Variants in NOPCHAP1 observed in about 807,000 individuals in gnomAD.
NOPCHAP1 encodes the protein DNA damage-sensitive RNA 1.
In NOPCHAP1, 13 loss-of-function variants were observed where a neutral mutation model predicts 14.0. That is an observed-to-expected ratio of 0.93 (90% confidence interval 0.60 to 1.47). The LOEUF (loss-of-function observed/expected upper bound fraction) is 1.47. Ranked by LOEUF, NOPCHAP1 falls within the 40% of genes most tolerant of loss-of-function variation. NOPCHAP1 has a pLI of 0.00. For synonymous variants in NOPCHAP1, 78 were observed against 78.4 expected (o/e 1.00, Z 0.03); for missense variants, 230 against 226.9 (o/e 1.01, Z -0.09).
At position 104,986,573 on chromosome 12, in the gene NOPCHAP1, C is replaced by T. The variant is rs1264765712; in HGVS notation, c.115+106C>T. On this transcript the variant is annotated intron_variant, in intron 1 of 3. Coordinates refer to ENST00000552951, the MANE Select transcript of NOPCHAP1 (RefSeq NM_152318.3). ...TGGCTCCCTGCCCGGGCTCCGTACC[C>T]TCGAGGGGAGCCCCGGGGACTGCTG... 6.9e-5 allele frequency: 65 copies of T among 938,970 alleles called. No individual in the cohort carries two copies. The East Asian group carries it at 1.8e-3, about 26-fold the overall frequency. The allele number at this position is 938,970 out of a possible 1,614,324, so 58.2% of individuals were successfully genotyped here. A position where few individuals can be genotyped will look rare whatever the true frequency, so the allele number is the denominator to read the frequency against.
At chr12:104,993,699 C>T (rs1327224513) in intron 3 of NOPCHAP1, among the ~76,000 whole-genome samples, 1 of 152,108 alleles carries the variant, frequency 6.6e-6, no homozygotes, top group Non-Finnish European at 1.5e-5. Context: ...TAATTTTTTT[C>T]CCCCAACCAC....
At position 105,010,593 on chromosome 12, in the gene NOPCHAP1, G is replaced by A. The variant is rs1420554218; in HGVS notation, c.*15897G>A. On this transcript the variant is annotated 3_prime_UTR_variant, in exon 4 of 4. Coordinates refer to ENST00000552951, the MANE Select transcript of NOPCHAP1 (RefSeq NM_152318.3). ...AGAGTATCGATTTTAGATCTTTCCCGCTTTCTCCTGTGGGCATTTAGTGCT... is the reference window on the plus strand; with the variant it reads ...AGAGTATCGATTTTAGATCTTTCCCACTTTCTCCTGTGGGCATTTAGTGCT... 2 of 152,030 alleles carry A rather than the reference G, an allele frequency of 1.3e-5. No homozygotes were observed. The highest frequency in any genetic ancestry group is 1.9e-4 in the East Asian group (1 of 5,188). 9.4% of individuals were successfully genotyped at this position (152,030 alleles called of 1,614,324 possible).
chr12:104,991,883 T>C, intron 3 of NOPCHAP1, 35 bp downstream of exon 3: 1 of 1,568,350 alleles, frequency 6.4e-7, no homozygotes, highest in Non-Finnish European at 8.6e-7. Context: ...GTGAAATTAC[T>C]GGTCTGCCTG....
In NOPCHAP1 at chr12:105,008,798, T is replaced by C. The variant is rs1209994990; in HGVS notation, c.*14102T>C. 1.3e-5 allele frequency: 2 copies of C among 152,182 alleles called. No homozygotes were observed. Among genetic ancestry groups the C allele is most frequent in the Non-Finnish European group, 2.9e-5 (2 of 68,036 alleles). The allele number at this position is 152,182 out of a possible 1,614,324, so 9.4% of individuals were successfully genotyped here. A position where few individuals can be genotyped will look rare whatever the true frequency, so the allele number is the denominator to read the frequency against. Reference sequence around the variant, plus strand: ...TTCAAAGATCAGATGGTTGTAGATGTGTGGTATTATTTCTGAGGCCTCTGT... The same window carrying C: ...TTCAAAGATCAGATGGTTGTAGATGCGTGGTATTATTTCTGAGGCCTCTGT... On this transcript the variant is annotated 3_prime_UTR_variant, in exon 4 of 4. Transcript: ENST00000552951.
At chr12:104,990,060 C>A (rs1162314133) in intron 2 of NOPCHAP1, among the ~76,000 whole-genome samples, 1 of 152,142 alleles carries the variant, frequency 6.6e-6, no homozygotes, top group Non-Finnish European at 1.5e-5. Flanking sequence ...TCGTCTGCAT[C>A]ATTTCTGAAT....
At position 104,988,110 on chromosome 12, in the gene NOPCHAP1, G is replaced by T. The variant is rs1014762087; in HGVS notation, c.116-57G>T. ...GGTCATGTGAGAGGCTTACTGATGG[G>T]CCTTTGTTTTTTTATGCTGTAGTAA... On this transcript the variant is annotated intron_variant, in intron 1 of 3. Coordinates refer to ENST00000552951, the MANE Select transcript of NOPCHAP1 (RefSeq NM_152318.3). 4 of 1,351,388 alleles carry T rather than the reference G, an allele frequency of 3.0e-6. No homozygotes were observed. The African/African-American group carries it at 4.3e-5, about 15-fold the overall frequency. The allele number at this position is 1,351,388 out of a possible 1,614,324, so 83.7% of individuals were successfully genotyped here. A position where few individuals can be genotyped will look rare whatever the true frequency, so the allele number is the denominator to read the frequency against.
At chr12:104,988,287 A>G in intron 2 of NOPCHAP1, 34 bp downstream of exon 2, 1 of 1,511,714 alleles carries the variant, frequency 6.6e-7, no homozygotes, top group South Asian at 1.2e-5. Flanking sequence ...ACCCTCTCTA[A>G]TGCTGAGTTT....
At chr12:104,992,000 A>AT in intron 3 of NOPCHAP1, 152 bp downstream of exon 3, 1 of 909,460 alleles carries the variant, frequency 1.1e-6, no homozygotes, top group East Asian at 3.0e-5. Context: ...TTTATGATTT[A>AT]GTCATTTTAG....
chr12:104,987,526 C>T (rs1160802227), intron 1 of NOPCHAP1, among the ~76,000 whole-genome samples: 1 of 152,078 alleles, frequency 6.6e-6, no homozygotes, highest in African/African-American at 2.4e-5. Context: ...TGTTTTTTAA[C>T]CAGAGAGTTA....
rs1005924428 is a variant in NOPCHAP1, at chr12:104,996,994, G to C, written c.*2298G>C. Reference sequence around the variant, plus strand: ...TCTGAGTGTCACTGCATGTGAGGTGGGTCTCTTGAAGATAGCATACCATTG... The same window carrying C: ...TCTGAGTGTCACTGCATGTGAGGTGCGTCTCTTGAAGATAGCATACCATTG... On this transcript the variant is annotated 3_prime_UTR_variant, in exon 4 of 4. Transcript: ENST00000552951. 1 of 152,052 alleles carries C rather than the reference G, an allele frequency of 6.6e-6. No homozygotes were observed. The highest frequency in any genetic ancestry group is 2.4e-5 in the African/African-American group (1 of 41,384). The allele number at this position is 152,052 out of a possible 1,614,324, so 9.4% of individuals were successfully genotyped here.
chr12:105,001,005 G>A lies in NOPCHAP1; in HGVS notation c.*6309G>A, dbSNP rs1010051931. ...AAGGCCAATGGTAATACCTTTGGAC[G>A]AGGCAATTCAATCAATTCAGTTAAC... On this transcript the variant is annotated 3_prime_UTR_variant, in exon 4 of 4. Transcript: ENST00000552951. The A allele has an allele frequency of 1.3e-5, 2 of 151,154 alleles. No individual in the cohort carries two copies. Among genetic ancestry groups the A allele is most frequent in the African/African-American group, 2.4e-5 (1 of 41,154 alleles). 9.4% of individuals were successfully genotyped at this position (151,154 alleles called of 1,614,324 possible).
At position 105,002,459 on chromosome 12, in the gene NOPCHAP1, G is replaced by A. The variant is rs975722094; in HGVS notation, c.*7763G>A. On this transcript the variant is annotated 3_prime_UTR_variant, in exon 4 of 4. Transcript: ENST00000552951. ...CCCTTGGTGTATTGGAACCTGGAAT[G>A]TTTTACAAATAGTCTTTCTGAATGG... 3.9e-5 allele frequency: 6 copies of A among 152,208 alleles called. No individual in the cohort carries two copies. Among genetic ancestry groups the A allele is most frequent in the Non-Finnish European group, 8.8e-5 (6 of 68,036 alleles). 9.4% of individuals were successfully genotyped at this position (152,208 alleles called of 1,614,324 possible).
rs1368914959 is a variant in NOPCHAP1 at position 105,005,725 on chromosome 12, G to C, written c.*11029G>C. 1 of 152,230 alleles carries C rather than the reference G, an allele frequency of 6.6e-6. No individual in the cohort carries two copies. Among genetic ancestry groups the C allele is most frequent in the Non-Finnish European group, 1.5e-5 (1 of 68,062 alleles). 9.4% of individuals were successfully genotyped at this position (152,230 alleles called of 1,614,324 possible). The stretch of plus-strand genomic sequence containing the variant: ...CAGTCTAGGAAGTCAGTGCGAATTG[G>C]CCTTAAGTTCCCTGCCTCCAGGCCC... On this transcript the variant is annotated 3_prime_UTR_variant, in exon 4 of 4. Transcript: ENST00000552951.
chr12:105,002,925 C>A lies in NOPCHAP1; in HGVS notation c.*8229C>A, dbSNP rs1873638025. On this transcript the variant is annotated 3_prime_UTR_variant, in exon 4 of 4. Coordinates refer to ENST00000552951, the MANE Select transcript of NOPCHAP1 (RefSeq NM_152318.3). ...TTTTGTAAGGCATTTGTCTAACTTG[C>A]CTTTTCTCATTATCTTTAGAATGAA... is the stretch of plus-strand genomic sequence containing the variant. 6.6e-6 allele frequency: 1 copy of A among 152,122 alleles called. No homozygotes were observed. Among genetic ancestry groups the A allele is most frequent in the Admixed American group, 6.5e-5 (1 of 15,274 alleles). 9.4% of individuals were successfully genotyped at this position (152,122 alleles called of 1,614,324 possible).
In NOPCHAP1 at chr12:105,013,490, GTTCTGT is replaced by G. The variant is rs1873877731; in HGVS notation, c.*18795_*18800del. On this transcript the variant is annotated 3_prime_UTR_variant, in exon 4 of 4. Transcript: ENST00000552951. ...AGCCCCCTTTCCAGGGGAGTGAACG[GTTCTGT>G]CTCGCTGGTGTTCCAGGCACCACTG... 1 of 153,308 alleles carries G rather than the reference GTTCTGT, an allele frequency of 6.5e-6. No homozygotes were observed. The highest frequency in any genetic ancestry group is 1.4e-5 in the Non-Finnish European group (1 of 69,022). The allele number at this position is 153,308 out of a possible 1,614,324, so 9.5% of individuals were successfully genotyped here. A position where few individuals can be genotyped will look rare whatever the true frequency, so the allele number is the denominator to read the frequency against.
In NOPCHAP1 at chr12:104,988,260, A is replaced by G; in HGVS notation, c.202+7A>G. On this transcript the variant is annotated splice_region_variant and intron_variant, in intron 2 of 3. Transcript: ENST00000552951. ...CGGATAGAGAGGAGTCCCTGTAAGT[A>G]CCTCTTCCCCTCTCTCACCCTCTCT... 6.3e-7 allele frequency: 1 copy of G among 1,595,246 alleles called. No individual in the cohort carries two copies. Among genetic ancestry groups the G allele is most frequent in the Non-Finnish European group, 8.6e-7 (1 of 1,164,414 alleles).
At chr12:104,987,084 AG>A (rs1873256747) in intron 1 of NOPCHAP1, among the ~76,000 whole-genome samples, 1 of 152,196 alleles carries the variant, frequency 6.6e-6, no homozygotes, top group South Asian at 2.1e-4. Context: ...AAATGGTGAT[AG>A]TAGTAATGCC....
rs950583283 is a variant in NOPCHAP1 at position 105,001,201 on chromosome 12, A to G, written c.*6505A>G. The stretch of plus-strand genomic sequence containing the variant: ...CTGGAAATTCCTCCAGGGAAGCCCC[A>G]GAAGGAAACATACTTTCTAATAACT... On this transcript the variant is annotated 3_prime_UTR_variant, in exon 4 of 4. Transcript: ENST00000552951. 6.6e-6 allele frequency: 1 copy of G among 152,156 alleles called. No individual in the cohort carries two copies. The highest frequency in any genetic ancestry group is 2.4e-5 in the African/African-American group (1 of 41,422). The allele number at this position is 152,156 out of a possible 1,614,324, so 9.4% of individuals were successfully genotyped here.
In NOPCHAP1 at chr12:104,986,483, C is replaced by T. The variant is rs1873237845; in HGVS notation, c.115+16C>T. On this transcript the variant is annotated intron_variant, in intron 1 of 3. Coordinates refer to ENST00000552951, the MANE Select transcript of NOPCHAP1 (RefSeq NM_152318.3). The stretch of plus-strand genomic sequence containing the variant: ...GGCCGCGGAGGTGACGGACGGGTGA[C>T]GGCGGCATGGGCCGCACACGTGCGG... 6 of 1,584,116 alleles carry T rather than the reference C, an allele frequency of 3.8e-6. No homozygotes were observed. The East Asian group carries it at 1.4e-4, about 36-fold the overall frequency.
Sources: gnomAD v4.1 joint callset for allele counts (sites outside exome capture counted in the v4.1 genomes callset) on GRCh38, gnomAD v4.1.1 for gene constraint, MANE v1.5 for transcripts, NCBI Gene and HGNC (gene_info 2026-07-23, HGNC 2026-07-21) for gene names.